The following EML5 variants were observed in gnomAD, a reference collection of about 807,000 sequenced individuals.
EML5 encodes the protein echinoderm microtubule-associated protein-like 5.
EML5 carries 120 observed loss-of-function variants against 250.0 expected under a neutral mutation model. The ratio of observed to expected loss-of-function variants is 0.48; its 90% CI spans 0.41 to 0.56. The LOEUF (loss-of-function observed/expected upper bound fraction) is 0.56. EML5 is among the 20% of genes least tolerant of loss of function. The pLI is 0.00. For missense variants in EML5, 2,006 were observed against 2,437.6 expected, an observed-to-expected ratio of 0.82 and a Z score of 3.73; for synonymous variants, 771 against 806.5, an observed-to-expected ratio of 0.96 and a Z score of 0.75.
At chr14:88,745,167 T>TTGTTTGTGTGTGTGTGTG (rs148282706) in intron 3 of EML5, among the ~76,000 whole-genome samples, 42 of 145,284 alleles carry the variant, frequency 2.9e-4, no homozygotes, top group Admixed American at 6.9e-4. Flanking sequence ...AATTGTGTGT[T>TTGTTTGTGTGTGTGTGTG]TGTGTGTGTG....
At chr14:88,671,625 C>CA (rs1196892965) in intron 21 of EML5, among the ~76,000 whole-genome samples, 1 of 152,112 alleles carries the variant, frequency 6.6e-6, no homozygotes, top group Non-Finnish European at 1.5e-5. Context: ...TAAAGAGTCA[C>CA]AACCCACTGG....
Position 88,659,657 on chromosome 14 carries a change from A to C in EML5, c.3676-1269T>G, listed in dbSNP as rs1241638412. Among the ~76,000 whole-genome samples the C allele has an allele frequency of 2.4e-5, 3 of 122,538 alleles. No individual in the cohort carries two copies. The East Asian group carries it at 7.3e-4, about 30-fold the overall frequency. The allele number at this position is 122,538 out of a possible 152,430, so 80.4% of individuals were successfully genotyped here. ...GATCAATATTCCAGAACCTATTCCT[A>C]AGGGATCTACACCATCTGGAACGCT... On this transcript the variant is annotated intron_variant, in intron 25 of 43. Coordinates refer to ENST00000554922, the MANE Select transcript of EML5 (RefSeq NM_183387.3).
At chr14:88,668,959 C>T (rs2092383923) in intron 21 of EML5, among the ~76,000 whole-genome samples, 2 of 151,694 alleles carry the variant, frequency 1.3e-5, no homozygotes, top group South Asian at 4.2e-4. Context: ...GTGAATCCTG[C>T]ACCAGCAACT....
intron 14 of EML5, among the ~76,000 whole-genome samples, chr14:88,699,082 T>C (rs2093148224): frequency 6.6e-6 from 1 of 152,098 alleles, no homozygotes; most frequent in African/African-American, 2.4e-5. Flanking sequence ...AAAGTACACT[T>C]AGGGCATCTC....
chr14:88,735,404 G>A (rs1400516984), intron 7 of EML5, among the ~76,000 whole-genome samples: 1 of 152,026 alleles, frequency 6.6e-6, no homozygotes, highest in African/African-American at 2.4e-5. Context: ...ACAGAAAATA[G>A]GCAAACAGCT....
intron 29 of EML5, 30 bp downstream of exon 29, chr14:88,646,917 G>T: frequency 6.3e-7 from 1 of 1,583,276 alleles, no homozygotes; most frequent in South Asian, 1.1e-5. Flanking sequence ...ACAAAGTTAG[G>T]CTTTGTAAAC....
At chr14:88,720,158 C>A (rs769679396) in intron 8 of EML5, among the ~76,000 whole-genome samples, 32 of 151,984 alleles carry the variant, frequency 2.1e-4, no homozygotes, top group Non-Finnish European at 1.3e-4. Flanking sequence ...AGCCTACCAA[C>A]CAAAAAAGGC....
At chr14:88,763,190 C>T (rs1443686081) in intron 1 of EML5, among the ~76,000 whole-genome samples, 1 of 151,790 alleles carries the variant, frequency 6.6e-6, no homozygotes, top group East Asian at 1.9e-4. Flanking sequence ...GAGAAGAAAA[C>T]CCTTTCAAAA....
At chr14:88,629,715 C>T (rs1263842212) in intron 33 of EML5, among the ~76,000 whole-genome samples, 1 of 152,048 alleles carries the variant, frequency 6.6e-6, no homozygotes, top group Non-Finnish European at 1.5e-5. Flanking sequence ...TAGGTAGGTA[C>T]GTTTTTTCCT....
At chr14:88,737,299 A>AG (rs2093856914) in intron 6 of EML5, among the ~76,000 whole-genome samples, 6 of 152,248 alleles carry the variant, frequency 3.9e-5, no homozygotes, top group Non-Finnish European at 8.8e-5. Flanking sequence ...GGGCCGCTAG[A>AG]GTCCCCAAGT....
intron 8 of EML5, among the ~76,000 whole-genome samples, chr14:88,716,576 A>AT (rs1388799527): frequency 6.6e-6 from 1 of 152,132 alleles, no homozygotes; most frequent in African/African-American, 2.4e-5. Context: ...TATAATTATA[A>AT]TCTTCATGAC....
intron 21 of EML5, among the ~76,000 whole-genome samples, chr14:88,679,785 GA>G (rs1370664059): frequency 6.6e-6 from 1 of 152,158 alleles, no homozygotes; most frequent in Non-Finnish European, 1.5e-5. Context: ...TCAAACAAGA[GA>G]TAGTATTATC....
intron 25 of EML5, among the ~76,000 whole-genome samples, chr14:88,660,114 A>G (rs1161739329): frequency 6.6e-6 from 1 of 151,704 alleles, no homozygotes; most frequent in African/African-American, 2.4e-5. Context: ...CATCTCTACA[A>G]AAAAAAATTT....
Position 88,722,944 on chromosome 14 carries a change from A to T in EML5, c.1187+3597T>A, listed in dbSNP as rs543597475. ...AAAAAAATGTTCATAAGAGCTAAGA[A>T]AACATGGTGAGAGATTATAGAATCT... On this transcript the variant is annotated intron_variant, in intron 8 of 43. Coordinates refer to ENST00000554922, the MANE Select transcript of EML5 (RefSeq NM_183387.3). Among the ~76,000 whole-genome samples the T allele has an allele frequency of 1.5e-4, 23 of 152,322 alleles. 1 individual carries two copies. The South Asian group carries it at 4.8e-3, about 32-fold the overall frequency.
In EML5 at chr14:88,649,619, T is replaced by G. The variant is rs538996091; in HGVS notation, c.4019+293A>C. ...ACTTAAATATATGTGTGGTTAGGTT[T>G]GTTTTTACGAGCCTCTGAAACTTAA... On this transcript the variant is annotated intron_variant, in intron 28 of 43. Coordinates refer to ENST00000554922, the MANE Select transcript of EML5 (RefSeq NM_183387.3). Among the ~76,000 whole-genome samples, 32 of 152,308 alleles carry G rather than the reference T, an allele frequency of 2.1e-4. 1 individual carries two copies. The Middle Eastern group carries it at 0.014, about 65-fold the overall frequency.
chr14:88,770,823 A>T (rs548377991), intron 1 of EML5, among the ~76,000 whole-genome samples: 2 of 152,332 alleles, frequency 1.3e-5, no homozygotes, highest in East Asian at 3.9e-4. Context: ...GTATATTCCC[A>T]TTCTAAAACA....
chr14:88,759,102 T>C (rs2094202363), intron 1 of EML5, among the ~76,000 whole-genome samples: 1 of 152,146 alleles, frequency 6.6e-6, no homozygotes, highest in Non-Finnish European at 1.5e-5. Context: ...TTGACTATAC[T>C]AAAAATCACT....
intron 21 of EML5, among the ~76,000 whole-genome samples, chr14:88,672,512 C>T (rs889974120): frequency 6.6e-6 from 1 of 151,752 alleles, no homozygotes; most frequent in Admixed American, 6.6e-5. Context: ...GCAAACAAAC[C>T]CCGAAGCTAG....
At chr14:88,762,447 T>C (rs1342286043) in intron 1 of EML5, among the ~76,000 whole-genome samples, 1 of 151,268 alleles carries the variant, frequency 6.6e-6, no homozygotes, top group African/African-American at 2.4e-5. Flanking sequence ...GAGGCAGAGG[T>C]TGCAGTGAGC....
Sources: allele counts gnomAD v4.1 joint callset (sites outside exome capture counted in the v4.1 genomes callset), GRCh38; gene constraint gnomAD v4.1.1; transcripts MANE v1.5; gene names NCBI Gene and HGNC (gene_info 2026-07-23, HGNC 2026-07-21).